CCDC85A: variants seen among roughly 807,000 people sequenced by gnomAD.
CCDC85A encodes the protein coiled-coil domain containing 85A, also known as coiled-coil domain-containing protein 85A.
Under a neutral mutation model 50.2 loss-of-function variants are expected in CCDC85A, and 38 were observed. That is an observed-to-expected ratio of 0.76 (90% CI 0.58 to 0.99). CCDC85A has a LOEUF of 0.99. Ranked by LOEUF, CCDC85A falls within the 50% of genes least tolerant of loss-of-function variation. The probability of loss-of-function intolerance (pLI) is 0.00; values close to 1 mark genes in which losing one functional copy is unlikely to be tolerated. For synonymous variants in CCDC85A, 366 were observed against 301.4 expected, an observed-to-expected ratio of 1.21 and a Z score of -2.22; for missense variants, 820 against 742.0, an observed-to-expected ratio of 1.11 and a Z score of -1.22.
At chr2:56,358,807 G>A (rs2104363097) in intron 3 of CCDC85A, among the ~76,000 whole-genome samples, 1 of 146,708 alleles carries the variant, frequency 6.8e-6, no homozygotes, top group African/African-American at 2.5e-5. Flanking sequence ...TTTTTGACAT[G>A]GAGTTTCACT....
chr2:56,339,907 CCT>C (rs1467498894), intron 2 of CCDC85A, among the ~76,000 whole-genome samples: 1 of 152,122 alleles, frequency 6.6e-6, no homozygotes, highest in Non-Finnish European at 1.5e-5. Context: ...ATACTTTTCC[CCT>C]CTTTGGAAGA....
chr2:56,305,529 G>A (rs1466996130), intron 2 of CCDC85A, among the ~76,000 whole-genome samples: 3 of 152,194 alleles, frequency 2.0e-5, no homozygotes, highest in East Asian at 1.9e-4. Flanking sequence ...AGTATGCAAC[G>A]TCTACTGCCA....
At chr2:56,347,989 A>G (rs1429196432) in intron 3 of CCDC85A, among the ~76,000 whole-genome samples, 1 of 152,210 alleles carries the variant, frequency 6.6e-6, no homozygotes, top group Non-Finnish European at 1.5e-5. Context: ...TAAAGTAAAT[A>G]GTACTACCCT....
intron 2 of CCDC85A, among the ~76,000 whole-genome samples, chr2:56,306,295 A>C (rs151015296): frequency 6.6e-6 from 1 of 151,776 alleles, no homozygotes; most frequent in South Asian, 2.1e-4. Flanking sequence ...ACACCCAGCT[A>C]ATTTTTGTAT....
chr2:56,267,993 A>G (rs1228479102), intron 2 of CCDC85A, among the ~76,000 whole-genome samples: 5 of 152,176 alleles, frequency 3.3e-5, no homozygotes, highest in South Asian at 2.1e-4. Context: ...TTCTATGTTC[A>G]TATTCTTTTG....
intron 1 of CCDC85A, among the ~76,000 whole-genome samples, chr2:56,186,078 C>T (rs144686832): frequency 5.3e-5 from 8 of 152,298 alleles, no homozygotes; most frequent in African/African-American, 1.9e-4. Context: ...CAAGGCTCAC[C>T]TATGTGCTGG....
chr2:56,269,445 C>T (rs902543703), intron 2 of CCDC85A, among the ~76,000 whole-genome samples: 1 of 152,028 alleles, frequency 6.6e-6, no homozygotes, highest in Non-Finnish European at 1.5e-5. Flanking sequence ...TTTAGAAAAA[C>T]ATAAGTCTAT....
At chr2:56,248,896 G>T (rs1011667954) in intron 2 of CCDC85A, among the ~76,000 whole-genome samples, 1 of 152,142 alleles carries the variant, frequency 6.6e-6, no homozygotes, top group Non-Finnish European at 1.5e-5. Flanking sequence ...ATAGTATGAT[G>T]CCAAAATCCA....
At chr2:56,244,693 C>T (rs1471081763) in intron 2 of CCDC85A, among the ~76,000 whole-genome samples, 1 of 151,690 alleles carries the variant, frequency 6.6e-6, no homozygotes, top group Non-Finnish European at 1.5e-5. Context: ...GAAGCCAGCA[C>T]ATCTGAGTCT....
chr2:56,384,596 A>C lies in CCDC85A; in HGVS notation c.*241A>C. The stretch of plus-strand genomic sequence containing the variant: ...CAAACAAGGTAGCTTTGAACATCTC[A>C]AACAGAGTAGCTTTGAAAATCAACA... On this transcript the variant is annotated 3_prime_UTR_variant, in exon 6 of 6. Transcript: ENST00000407595. 4.9e-6 allele frequency: 2 copies of C among 410,760 alleles called. No homozygotes were observed. Among genetic ancestry groups the C allele is most frequent in the Middle Eastern group, 7.0e-4 (1 of 1,436 alleles). 25.4% of individuals were successfully genotyped at this position (410,760 alleles called of 1,614,324 possible).
chr2:56,347,643 C>T (rs539524305), intron 3 of CCDC85A, among the ~76,000 whole-genome samples: 45 of 152,112 alleles, frequency 3.0e-4, no homozygotes, highest in Non-Finnish European at 4.4e-4. Flanking sequence ...CACACAAATT[C>T]CCACCCCTGC....
intron 3 of CCDC85A, among the ~76,000 whole-genome samples, chr2:56,366,139 A>C (rs1675781106): frequency 6.6e-6 from 1 of 152,088 alleles, no homozygotes; most frequent in South Asian, 2.1e-4. Context: ...TAGATAGCAC[A>C]TTTTCTTTAT....
intron 3 of CCDC85A, among the ~76,000 whole-genome samples, chr2:56,346,580 G>A (rs1674643061): frequency 3.3e-5 from 5 of 152,170 alleles, no homozygotes; most frequent in African/African-American, 1.2e-4. Context: ...AAGAATCACT[G>A]AGCAGTATTT....
chr2:56,320,323 C>T (rs987624206), intron 2 of CCDC85A, among the ~76,000 whole-genome samples: 49 of 151,896 alleles, frequency 3.2e-4, no homozygotes, highest in Non-Finnish European at 5.4e-4. Flanking sequence ...ACACAAAAAA[C>T]CCTTCAAAAA....
rs988623179 is a variant in CCDC85A at position 56,192,465 on chromosome 2, C to T, written c.277-12C>T. On this transcript the variant is annotated splice_polypyrimidine_tract_variant and intron_variant, in intron 1 of 5. Transcript: ENST00000407595. The surrounding 1 kb of genome is among the most constrained non-coding windows in gnomAD (Gnocchi z 4.7). ...GTGTACTTCCCTTGAATGGTTGTGTCTCTCTTTTCAGGATATCAACCAGAA... is the reference window on the plus strand; with the variant it reads ...GTGTACTTCCCTTGAATGGTTGTGTTTCTCTTTTCAGGATATCAACCAGAA... 6.3e-7 allele frequency: 1 copy of T among 1,596,524 alleles called. No homozygotes were observed. The highest frequency in any genetic ancestry group is 1.7e-5 in the Admixed American group (1 of 58,614).
chr2:56,200,248 T>C (rs182338170), intron 2 of CCDC85A, among the ~76,000 whole-genome samples: 103 of 152,370 alleles, frequency 6.8e-4, no homozygotes, highest in African/African-American at 2.3e-3. Flanking sequence ...AAATATTTGC[T>C]TCTTGGATAC....
At chr2:56,331,379 T>A (rs1387460672) in intron 2 of CCDC85A, among the ~76,000 whole-genome samples, 1 of 152,214 alleles carries the variant, frequency 6.6e-6, no homozygotes, top group Non-Finnish European at 1.5e-5. Context: ...GTTCTGCACA[T>A]GTATCCCAGA....
intron 2 of CCDC85A, among the ~76,000 whole-genome samples, chr2:56,269,498 C>T (rs1393684292): frequency 6.6e-6 from 1 of 152,060 alleles, no homozygotes; most frequent in African/African-American, 2.4e-5. Flanking sequence ...TTGGAAGAGG[C>T]CCTTACAAGT....
Position 56,192,649 on chromosome 2 carries a change from A to C in CCDC85A, c.449A>C (p.Asp150Ala), listed in dbSNP as rs745506106. ...EVALYLQKLK[D>A]LEVKQEEVVK... ...GCCTTATACCTGCAGAAGCTGAAAG[A>C]CCTGGAGGTGAAGCAGGAGGAAGTG... The change falls in exon 2 of 6, where the codon GAC (aspartate) becomes GCC (alanine). Residue 150 changes from aspartate (D) to alanine (A), a missense_variant. Coordinates refer to ENST00000407595, the MANE Select transcript of CCDC85A (RefSeq NM_001080433.2). The surrounding 1 kb of genome is among the most constrained non-coding windows in gnomAD (Gnocchi z 4.7). 29 of 1,613,734 alleles carry C rather than the reference A, an allele frequency of 1.8e-5. No individual in the cohort carries two copies. Among genetic ancestry groups the C allele is most frequent in the Non-Finnish European group, 2.4e-5 (28 of 1,179,846 alleles).
Sources: gnomAD v4.1 joint callset for allele counts (sites outside exome capture counted in the v4.1 genomes callset) on GRCh38, gnomAD v4.1.1 for gene constraint, Gnocchi (gnomAD v3.1) non-coding constraint, MANE v1.5 for transcripts, NCBI Gene and HGNC (gene_info 2026-07-23, HGNC 2026-07-21) for gene names.